CD247: variants seen among roughly 807,000 people sequenced by gnomAD.
CD247 encodes CD247 molecule, also known as T-cell surface glycoprotein CD3 zeta chain.
In CD247, 13 loss-of-function variants were observed where a neutral mutation model predicts 30.0. The ratio of observed to expected loss-of-function variants is 0.43; its 90% CI spans 0.28 to 0.69. The LOEUF is 0.69. CD247 is among the 30% of genes least tolerant of loss of function. CD247 has a pLI of 0.16. For synonymous variants in CD247, 72 were observed against 80.0 expected, an observed-to-expected ratio of 0.90 and a Z score of 0.53; for missense variants, 193 against 212.6, an observed-to-expected ratio of 0.91 and a Z score of 0.57.
chr1:167,439,555 C>A, intron 2 of CD247, 155 bp from the exon 3 acceptor site: 1 of 671,316 alleles, frequency 1.5e-6, no homozygotes. Context: ...CTTGCAGGGG[C>A]CGGGGCGTGG....
intron 1 of CD247, among the ~76,000 whole-genome samples, chr1:167,505,157 G>T (rs929914054): frequency 6.6e-6 from 1 of 151,942 alleles, no homozygotes; most frequent in East Asian, 1.9e-4. Flanking sequence ...TAGAGACAGG[G>T]TCTTGCTCTG....
Position 167,439,469 on chromosome 1 carries a change from G to A in CD247, c.163-69C>T, listed in dbSNP as rs1054486615. 1.4e-5 allele frequency: 20 copies of A among 1,442,664 alleles called. No individual in the cohort carries two copies. The East Asian group carries it at 3.4e-4, about 25-fold the overall frequency. 89.4% of individuals were successfully genotyped at this position (1,442,664 alleles called of 1,614,324 possible). On this transcript the variant is annotated intron_variant, in intron 2 of 7. Transcript: ENST00000362089. ...CGCAGGGGAGCCGGGGTGCCAGGGC[G>A]CGCGGCGACCCGAGGGACAGCCCTA...
chr1:167,513,292 T>G (rs567978333), intron 1 of CD247, among the ~76,000 whole-genome samples: 1 of 150,968 alleles, frequency 6.6e-6, no homozygotes, highest in South Asian at 2.2e-4. Context: ...ATGACTTATG[T>G]TTTTATGTTA....
intron 1 of CD247, among the ~76,000 whole-genome samples, chr1:167,497,273 G>T (rs1654730843): frequency 1.3e-5 from 2 of 152,130 alleles, no homozygotes; most frequent in South Asian, 2.1e-4. Flanking sequence ...AGTCTTGGGG[G>T]TAACATTTTT....
At position 167,431,682 on chromosome 1, in the gene CD247, T is replaced by C. The variant is rs1651272265; in HGVS notation, c.494A>G (p.Ter165=). The change falls in exon 8 of 8, where the codon TAA becomes TGA. Residue 165 remains the stop codon, a stop_retained_variant. Coordinates refer to ENST00000362089, the MANE Select transcript of CD247 (RefSeq NM_198053.3). The part of the protein sequence containing the change: ...ALHMQALPPR[*] Reference sequence around the variant, plus strand: ...TTGAGTGGTGAAATCCCCTGGCTGTTAGCGAGGGGGCAGGGCCTGCATGTG... The same window carrying C: ...TTGAGTGGTGAAATCCCCTGGCTGTCAGCGAGGGGGCAGGGCCTGCATGTG... 4.3e-6 allele frequency: 7 copies of C among 1,612,934 alleles called. No homozygotes were observed. The highest frequency in any genetic ancestry group is 5.9e-6 in the Non-Finnish European group (7 of 1,178,912).
At chr1:167,515,186 G>A (rs571858457) in intron 1 of CD247, among the ~76,000 whole-genome samples, 8 of 152,300 alleles carry the variant, frequency 5.3e-5, no homozygotes, top group South Asian at 2.1e-4. Context: ...TGAAAAATTT[G>A]TACTGGTATC....
At chr1:167,437,043 A>G (rs1651577658) in intron 4 of CD247, among the ~76,000 whole-genome samples, 1 of 152,194 alleles carries the variant, frequency 6.6e-6, no homozygotes, top group Non-Finnish European at 1.5e-5. Flanking sequence ...TGATTGTAGC[A>G]CTATTAACAA....
At chr1:167,439,429 T>C (rs747213159) in intron 2 of CD247, 29 bp from the exon 3 acceptor site, 7 of 1,612,444 alleles carry the variant, frequency 4.3e-6, no homozygotes, top group South Asian at 2.2e-5. Context: ...AGCGCGTTAC[T>C]GCTCCGCGAG....
intron 1 of CD247, among the ~76,000 whole-genome samples, chr1:167,501,109 C>T (rs1014147402): frequency 4.1e-5 from 6 of 146,618 alleles, no homozygotes; most frequent in African/African-American, 1.3e-4. Flanking sequence ...GGCTGGAGTG[C>T]AATGGCGCGA....
At position 167,507,835 on chromosome 1, in the gene CD247, T is replaced by TAA. The variant is rs11309602; in HGVS notation, c.58+10571_58+10572dup. Among the ~76,000 whole-genome samples, 346 of 147,628 alleles carry TAA rather than the reference T, an allele frequency of 2.3e-3. 1 individual carries two copies. Among genetic ancestry groups the TAA allele is most frequent in the Non-Finnish European group, 3.9e-3 (259 of 66,686 alleles). On this transcript the variant is annotated intron_variant, in intron 1 of 7. Coordinates refer to ENST00000362089, the MANE Select transcript of CD247 (RefSeq NM_198053.3). ...TGAGTGAAGAAGGGAGACCCTATCT[T>TAA]AAAAAAAAAAAAATCCCTAAATAGC... is the stretch of plus-strand genomic sequence containing the variant.
intron 5 of CD247, chr1:167,434,315 A>G: frequency 1.7e-6 from 1 of 578,228 alleles, no homozygotes; most frequent in Non-Finnish European, 3.1e-6. Flanking sequence ...CTTTGCACTG[A>G]GCTGAGGGGC....
intron 5 of CD247, 32 bp downstream of exon 5, chr1:167,435,367 C>T: frequency 6.3e-7 from 1 of 1,575,104 alleles, no homozygotes; most frequent in Non-Finnish European, 8.7e-7. Flanking sequence ...CTCCAACTTT[C>T]CAAGGTCAAA....
chr1:167,518,422 T>A lies in CD247; in HGVS notation c.44A>T (p.Gln15Leu), dbSNP rs1449227200. 5.6e-6 allele frequency: 9 copies of A among 1,614,092 alleles called. No individual in the cohort carries two copies. The African/African-American group carries it at 9.3e-5, about 17-fold the overall frequency. The change falls in exon 1 of 8, where the codon CAG (glutamine) becomes CTG (leucine). Residue 15 changes from glutamine to leucine, a missense_variant. Coordinates refer to ENST00000362089, the MANE Select transcript of CD247 (RefSeq NM_198053.3). ...ALFTAAILQA[Q>L]LPITEAQSFG... ...GTCGGCCCTACCTGTAATCGGCAAC[T>A]GTGCCTGCAGGATGGCCGCGGTGAA...
intron 1 of CD247, 147 bp downstream of exon 1, chr1:167,518,261 C>T: frequency 1.3e-6 from 1 of 769,158 alleles, no homozygotes; most frequent in Non-Finnish European, 2.3e-6. Context: ...GGCCGGACCC[C>T]TCACTGCTCA....
intron 1 of CD247, among the ~76,000 whole-genome samples, chr1:167,487,933 C>G (rs1468017851): frequency 6.6e-6 from 1 of 152,164 alleles, no homozygotes; most frequent in Admixed American, 6.6e-5. Context: ...AGATGGGGGT[C>G]TCACTATGTT....
intron 1 of CD247, among the ~76,000 whole-genome samples, chr1:167,479,263 T>G (rs1029707741): frequency 3.3e-5 from 5 of 152,242 alleles, no homozygotes; most frequent in Non-Finnish European, 5.9e-5. Flanking sequence ...AGAAATTGTT[T>G]GTTTCTGTAT....
chr1:167,498,943 G>A (rs541324134), intron 1 of CD247, among the ~76,000 whole-genome samples: 25 of 152,160 alleles, frequency 1.6e-4, no homozygotes, highest in African/African-American at 3.9e-4. Flanking sequence ...AAAGCCATGC[G>A]CACACGGGGC....
At chr1:167,508,737 A>G in intron 1 of CD247, among the ~76,000 whole-genome samples, 1 of 152,224 alleles carries the variant, frequency 6.6e-6, no homozygotes, top group East Asian at 1.9e-4. Flanking sequence ...TCCTCCATAT[A>G]TGCTTCCTTT....
At chr1:167,507,217 C>T (rs1424123854) in intron 1 of CD247, among the ~76,000 whole-genome samples, 1 of 151,426 alleles carries the variant, frequency 6.6e-6, no homozygotes, top group Non-Finnish European at 1.5e-5. Flanking sequence ...CCACGCCTGG[C>T]CTGAATTTTT....
Sources: allele counts gnomAD v4.1 joint callset (sites outside exome capture counted in the v4.1 genomes callset), GRCh38; gene constraint gnomAD v4.1.1; transcripts MANE v1.5; gene names NCBI Gene and HGNC (gene_info 2026-07-23, HGNC 2026-07-21).